ABCC4: variants seen among roughly 807,000 people sequenced by gnomAD.
ABCC4 encodes the protein ATP binding cassette subfamily C member 4 (PEL blood group).
A neutral mutation model predicts 168.5 loss-of-function variants in ABCC4; 102 were observed. The observed-to-expected ratio is 0.61, with a 90% confidence interval of 0.52 to 0.71. The LOEUF is 0.71. Ranked by LOEUF, ABCC4 falls within the 30% of genes least tolerant of loss-of-function variation. The pLI, the probability that ABCC4 is intolerant of heterozygous loss-of-function variation, is 0.00. For synonymous variants in ABCC4, 617 were observed against 590.7 expected, an observed-to-expected ratio of 1.04 and a Z score of -0.65; for missense variants, 1,402 against 1,605.8, an observed-to-expected ratio of 0.87 and a Z score of 2.17.
At position 95,034,055 on chromosome 13, in the gene ABCC4, G is replaced by T. The variant is rs557580419; in HGVS notation, c.3870+550C>A. Among the ~76,000 whole-genome samples, 3 of 152,302 alleles carry T rather than the reference G, an allele frequency of 2.0e-5. No homozygotes were observed. The East Asian group carries it at 5.8e-4, about 29-fold the overall frequency. ...AATGAGGGGAAAACCCAGGTCAACA[G>T]TGAGAGTATTATGTAACAGTTTTCT... On this transcript the variant is annotated intron_variant, in intron 30 of 30. Coordinates refer to ENST00000645237, the MANE Select transcript of ABCC4 (RefSeq NM_005845.5).
intron 4 of ABCC4, among the ~76,000 whole-genome samples, chr13:95,213,173 C>A (rs1278089528): frequency 6.6e-6 from 1 of 150,474 alleles, no homozygotes; most frequent in Non-Finnish European, 1.5e-5. Flanking sequence ...AACTACCAGG[C>A]TTCTGCTTCC....
At chr13:95,040,657 T>C (rs1267247023) in intron 29 of ABCC4, among the ~76,000 whole-genome samples, 1 of 152,228 alleles carries the variant, frequency 6.6e-6, no homozygotes, top group Non-Finnish European at 1.5e-5. Context: ...TTGTGGCCGT[T>C]GTCGGTTTCT....
At chr13:95,098,130 T>C (rs1409064205) in intron 20 of ABCC4, among the ~76,000 whole-genome samples, 1 of 110,428 alleles carries the variant, frequency 9.1e-6, no homozygotes, top group Non-Finnish European at 1.7e-5. Context: ...AGTGAGATAC[T>C]GTCTAAAAAA....
intron 29 of ABCC4, among the ~76,000 whole-genome samples, chr13:95,042,131 G>T (rs899360240): frequency 6.6e-6 from 1 of 152,082 alleles, no homozygotes; most frequent in African/African-American, 2.4e-5. Flanking sequence ...GAAATGCAAG[G>T]TCATCTCAAC....
In ABCC4 at chr13:95,089,006, G is replaced by A. The variant is rs923093237; in HGVS notation, c.2536-5716C>T. 3.3e-5 allele frequency among the ~76,000 whole-genome samples: 5 copies of A among 151,838 alleles called. No individual in the cohort carries two copies. The East Asian group carries it at 9.7e-4, about 29-fold the overall frequency. ...ATTATCATTATCATGAATTAACAGG[G>A]AATAACAGAAGAGATACTACAGGCA... On this transcript the variant is annotated intron_variant, in intron 20 of 30. Coordinates refer to ENST00000645237, the MANE Select transcript of ABCC4 (RefSeq NM_005845.5).
intron 4 of ABCC4, among the ~76,000 whole-genome samples, chr13:95,218,482 A>C (rs937365669): frequency 1.3e-5 from 2 of 152,236 alleles, no homozygotes; most frequent in Non-Finnish European, 2.9e-5. Flanking sequence ...TGACAGTTTC[A>C]CTGCCTTCTG....
chr13:95,083,023 T>A, intron 21 of ABCC4, 117 bp downstream of exon 21: 1 of 1,174,824 alleles, frequency 8.5e-7, no homozygotes. Context: ...TTCAATTACC[T>A]AATGTTAGAG....
chr13:95,153,887 G>C (rs1017908084), intron 19 of ABCC4, among the ~76,000 whole-genome samples: 6 of 152,024 alleles, frequency 3.9e-5, no homozygotes, highest in Admixed American at 3.3e-4. Flanking sequence ...CCTAACAAAG[G>C]CTTTTATGAT....
At chr13:95,242,543 G>A (rs2039977569) in intron 3 of ABCC4, among the ~76,000 whole-genome samples, 1 of 151,970 alleles carries the variant, frequency 6.6e-6, no homozygotes, top group African/African-American at 2.4e-5. Flanking sequence ...CTTTTTTAGA[G>A]ACAAGGTCTT....
chr13:95,127,043 T>A (rs1157347443), intron 19 of ABCC4, among the ~76,000 whole-genome samples: 2 of 151,714 alleles, frequency 1.3e-5, no homozygotes, highest in African/African-American at 2.4e-5. Context: ...AAGATACACA[T>A]TACCTCTTAG....
intron 1 of ABCC4, among the ~76,000 whole-genome samples, chr13:95,296,185 A>C (rs7982788): frequency 0.14 from 1,624 of 11,780 alleles, 154 homozygotes; most frequent in South Asian, 0.31. Flanking sequence ...CACACACACA[A>C]AAACACAAAA....
At position 95,215,477 on chromosome 13, in the gene ABCC4, T is replaced by C. The variant is rs190336568; in HGVS notation, c.532-4696A>G. 1.0e-3 allele frequency among the ~76,000 whole-genome samples: 155 copies of C among 152,266 alleles called. 1 individual carries two copies. Among genetic ancestry groups the C allele is most frequent in the Middle Eastern group, 6.8e-3 (2 of 294 alleles). On this transcript the variant is annotated intron_variant, in intron 4 of 30. Transcript: ENST00000645237. ...TAGCTGCTTAGAGCAAAAATGGTAA[T>C]GGTGCATTTTGGAGACAGAAGTAAA...
At chr13:95,062,544 T>C (rs1267703168) in intron 26 of ABCC4, among the ~76,000 whole-genome samples, 160 bp downstream of exon 26, 1 of 149,120 alleles carries the variant, frequency 6.7e-6, no homozygotes. Flanking sequence ...GGATATCTGA[T>C]GAAAATACCT....
At chr13:95,121,950 T>C (rs1019774766) in intron 19 of ABCC4, among the ~76,000 whole-genome samples, 2 of 152,140 alleles carry the variant, frequency 1.3e-5, no homozygotes, top group Non-Finnish European at 2.9e-5. Context: ...AAACTCCTCA[T>C]GTTAGAGATG....
At chr13:95,295,120 G>A (rs2041496236) in intron 1 of ABCC4, among the ~76,000 whole-genome samples, 1 of 152,112 alleles carries the variant, frequency 6.6e-6, no homozygotes, top group African/African-American at 2.4e-5. Context: ...GAGAAACGTG[G>A]CTCCCAAATC....
At chr13:95,105,378 G>A (rs113727286) in intron 20 of ABCC4, among the ~76,000 whole-genome samples, 29 of 152,206 alleles carry the variant, frequency 1.9e-4, no homozygotes, top group Admixed American at 4.6e-4. Context: ...TGGCCCAGGG[G>A]TTGGGGACCA....
At chr13:95,113,451 A>G (rs1180454336) in intron 20 of ABCC4, among the ~76,000 whole-genome samples, 1 of 152,096 alleles carries the variant, frequency 6.6e-6, no homozygotes, top group Non-Finnish European at 1.5e-5. Context: ...TTGGAAAATT[A>G]GTTTTCATTC....
chr13:95,111,239 T>G (rs1196051100), intron 20 of ABCC4, among the ~76,000 whole-genome samples: 3 of 152,172 alleles, frequency 2.0e-5, no homozygotes, highest in African/African-American at 4.8e-5. Flanking sequence ...GACTTGGCTT[T>G]AGAAATATTG....
At chr13:95,081,998 A>AAAATAAAT (rs560597073) in intron 21 of ABCC4, among the ~76,000 whole-genome samples, 6 of 152,154 alleles carry the variant, frequency 3.9e-5, no homozygotes, top group African/African-American at 1.2e-4. Context: ...ACTCCATCTC[A>AAAATAAAT]AAATAAATAA....
Sources: allele counts gnomAD v4.1 joint callset (sites outside exome capture counted in the v4.1 genomes callset), GRCh38; gene constraint gnomAD v4.1.1; transcripts MANE v1.5; gene names NCBI Gene and HGNC (gene_info 2026-07-23, HGNC 2026-07-21).